MYCBP2: variants seen among roughly 807,000 people sequenced by gnomAD.
The protein encoded by MYCBP2 is MYC binding protein 2.
MYCBP2 carries 120 observed loss-of-function variants against 525.3 expected under a neutral mutation model. That is an observed-to-expected ratio of 0.23 (90% CI 0.20 to 0.27). The LOEUF (loss-of-function observed/expected upper bound fraction) is 0.27. Ranked by LOEUF, MYCBP2 falls within the 10% of genes least tolerant of loss-of-function variation. MYCBP2 has a pLI of 1.00. For synonymous variants in MYCBP2, 1,894 were observed against 1,955.8 expected (o/e 0.97, Z 0.83); for missense variants, 4,149 against 5,657.1 (o/e 0.73, Z 8.55).
chr13:77,188,167 C>A (rs1383226974), intron 30 of MYCBP2, among the ~76,000 whole-genome samples: 3 of 151,158 alleles, frequency 2.0e-5, no homozygotes, highest in African/African-American at 7.3e-5. Flanking sequence ...AAAAATCTTT[C>A]ATATACTTTT....
At chr13:77,162,075 A>C (rs960382426) in intron 43 of MYCBP2, 120 bp from the exon 44 acceptor site, 3 of 691,422 alleles carry the variant, frequency 4.3e-6, no homozygotes, top group Non-Finnish European at 7.2e-6. Flanking sequence ...CCAGATTGAA[A>C]AGATTTGTGA....
Position 77,270,552 on chromosome 13 carries a change from A to G in MYCBP2, c.946-14T>C, listed in dbSNP as rs759787014. 6.3e-7 allele frequency: 1 copy of G among 1,575,736 alleles called. No individual in the cohort carries two copies. The highest frequency in any genetic ancestry group is 8.6e-7 in the Non-Finnish European group (1 of 1,162,010). On this transcript the variant is annotated splice_polypyrimidine_tract_variant and intron_variant, in intron 5 of 82. Transcript: ENST00000544440. Reference sequence around the variant, plus strand: ...AATTGTTGGCACCTAATCAAAAGAGAAGAAAAATAATGAAAAAACATTTTT... The same window carrying G: ...AATTGTTGGCACCTAATCAAAAGAGGAGAAAAATAATGAAAAAACATTTTT...
Position 77,287,591 on chromosome 13 carries a change from A to AT in MYCBP2, c.594+569dup, listed in dbSNP as rs1289019408. On this transcript the variant is annotated intron_variant, in intron 3 of 82. Coordinates refer to ENST00000544440, the MANE Select transcript of MYCBP2 (RefSeq NM_015057.5). ...CAGAAGTTCAGTTGGTTCATAGGTG[A>AT]TTTTTTTTTTTCCTAATCAAGGGAA... Among the ~76,000 whole-genome samples, 1,180 of 148,436 alleles carry AT rather than the reference A, an allele frequency of 7.9e-3. 8 individuals are homozygous for AT. Among genetic ancestry groups the AT allele is most frequent in the Middle Eastern group, 0.021 (6 of 284 alleles).
chr13:77,294,131 C>CATATATATATATATATATATATATACAT, intron 2 of MYCBP2, among the ~76,000 whole-genome samples: 4,487 of 65,310 alleles, frequency 0.069, 532 homozygotes, highest in Non-Finnish European at 0.1. Context: ...TATATATATA[C>CATATATATATATATATATATATATACAT]ATATATATAT....
chr13:77,097,825 G>C lies in MYCBP2; in HGVS notation c.9329C>G (p.Ser3110Cys), dbSNP rs746736571. The C allele has an allele frequency of 8.7e-6, 14 of 1,613,548 alleles. No homozygotes were observed. The East Asian group carries it at 2.9e-4, about 33-fold the overall frequency. The part of the protein sequence containing the change: ...FNIAPHGPDI[S>C]KMGSINKNKV... Reference sequence around the variant, plus strand: ...GTTTTTGTTGATGCTACCCATCTTAGATATATCTGGTCCATGGGGTGCAAT... The same window carrying C: ...GTTTTTGTTGATGCTACCCATCTTACATATATCTGGTCCATGGGGTGCAAT... Residue 3110 changes from serine (S) to cysteine (C), a missense_variant, in exon 56 of 83, where the codon TCT becomes TGT. Ser to Cys is a moderately radical substitution (Grantham distance 112, BLOSUM62 -1). This residue lies in a region of MYCBP2 where 653 missense variants were observed against 744.7 expected (regional missense o/e 0.88). Coordinates refer to ENST00000544440, the MANE Select transcript of MYCBP2 (RefSeq NM_015057.5).
chr13:77,213,253 T>A (rs1349143177), intron 21 of MYCBP2, among the ~76,000 whole-genome samples: 4 of 152,160 alleles, frequency 2.6e-5, no homozygotes, highest in Non-Finnish European at 4.4e-5. Flanking sequence ...GATGGGAGGA[T>A]CACCTGAGGT....
At chr13:77,090,061 G>A in intron 60 of MYCBP2, 45 bp downstream of exon 60, 1 of 1,488,022 alleles carries the variant, frequency 6.7e-7, no homozygotes, top group Non-Finnish European at 9.0e-7. Flanking sequence ...TTTTTTATTT[G>A]TAGTAGTCAG....
In MYCBP2 at chr13:77,066,385, T is replaced by C. The variant is rs61962741; in HGVS notation, c.12456-297A>G. On this transcript the variant is annotated intron_variant, in intron 71 of 82. Transcript: ENST00000544440. ...ATTTCTAGGGCACATGCGGATAATG[T>C]GGAGCTTAACCGGAATATAAATTCA... is the stretch of plus-strand genomic sequence containing the variant. Among the ~76,000 whole-genome samples the C allele has an allele frequency of 3.7e-3, 561 of 152,306 alleles. 2 individuals are homozygous for C. Among genetic ancestry groups the C allele is most frequent in the Admixed American group, 7.7e-3 (118 of 15,300 alleles).
chr13:77,078,992 C>A, intron 65 of MYCBP2, 103 bp from the exon 66 acceptor site: 1 of 927,142 alleles, frequency 1.1e-6, no homozygotes, highest in Non-Finnish European at 1.7e-6. Flanking sequence ...TTCTGCCTGT[C>A]TCTTATGGTC....
chr13:77,109,437 C>T (rs1045424079), intron 55 of MYCBP2, among the ~76,000 whole-genome samples: 2 of 152,200 alleles, frequency 1.3e-5, no homozygotes, highest in Non-Finnish European at 2.9e-5. Context: ...AGCTGGGTTC[C>T]TAACAGGCCT....
intron 62 of MYCBP2, among the ~76,000 whole-genome samples, chr13:77,085,068 A>G (rs2043993195): frequency 6.6e-6 from 1 of 151,990 alleles, no homozygotes; most frequent in Non-Finnish European, 1.5e-5. Flanking sequence ...TTTGTTACTT[A>G]CTATAAGAAC....
Position 77,126,539 on chromosome 13 carries a change from A to G in MYCBP2, c.7663T>C (p.Ser2555Pro). The G allele has an allele frequency of 6.2e-7, 1 of 1,610,082 alleles. No individual in the cohort carries two copies. Among genetic ancestry groups the G allele is most frequent in the Non-Finnish European group, 8.5e-7 (1 of 1,178,060 alleles). ...AAAAAGTCATCAGTATTAGTTTTAG[A>G]TTCCTGAAAATTTGAATAGGAAAGA... is the stretch of plus-strand genomic sequence containing the variant. ...GKSLLVPVDE[S>P]KTNTDDFFKD... is the part of the protein sequence containing the mutation. Residue 2555 changes from serine (S) to proline (P), a missense_variant, in exon 53 of 83, where the codon TCT (serine) becomes CCT (proline). This residue lies in a region of MYCBP2 where 692 missense variants were observed against 852.7 expected (regional missense o/e 0.81). Transcript: ENST00000544440.
chr13:77,202,068 C>T (rs1328955846), intron 26 of MYCBP2, among the ~76,000 whole-genome samples: 1 of 151,874 alleles, frequency 6.6e-6, no homozygotes, highest in African/African-American at 2.4e-5. Flanking sequence ...AATAGAGACA[C>T]AAAAAACCCT....
At chr13:77,135,761 T>C (rs2053645601) in intron 52 of MYCBP2, among the ~76,000 whole-genome samples, 1 of 152,226 alleles carries the variant, frequency 6.6e-6, no homozygotes, top group Non-Finnish European at 1.5e-5. Context: ...ATCCAAACTA[T>C]TCCCATCCCC....
chr13:77,132,043 G>C (rs1171178243), intron 52 of MYCBP2, among the ~76,000 whole-genome samples: 1 of 152,078 alleles, frequency 6.6e-6, no homozygotes, highest in African/African-American at 2.4e-5. Flanking sequence ...ATTAAGAATA[G>C]CGTATATATA....
At chr13:77,045,519 G>T in intron 82 of MYCBP2, 26 bp from the exon 83 acceptor site, 1 of 1,469,148 alleles carries the variant, frequency 6.8e-7, no homozygotes, top group Non-Finnish European at 9.5e-7. Context: ...GGAGGCAAAG[G>T]AAAATAATGT....
Position 77,248,428 on chromosome 13 carries a change from G to T in MYCBP2, c.2381+2723C>A, listed in dbSNP as rs369885556. 1.3e-4 allele frequency among the ~76,000 whole-genome samples: 20 copies of T among 152,114 alleles called. No homozygotes were observed. The South Asian group carries it at 3.5e-3, about 27-fold the overall frequency. On this transcript the variant is annotated intron_variant, in intron 15 of 82. Coordinates refer to ENST00000544440, the MANE Select transcript of MYCBP2 (RefSeq NM_015057.5). ...CTAAAACTCATCAACAACAACAAAA[G>T]AAACTGACAACCTGATTCAAAAGTG... is the stretch of plus-strand genomic sequence containing the variant.
chr13:77,137,712 C>A (rs1236844064), intron 52 of MYCBP2, among the ~76,000 whole-genome samples: 1 of 152,132 alleles, frequency 6.6e-6, no homozygotes, highest in Non-Finnish European at 1.5e-5. Context: ...CTTCAGCCTC[C>A]AGAGTAGCTA....
chr13:77,086,785 T>C (rs973122324), intron 62 of MYCBP2, among the ~76,000 whole-genome samples: 18 of 152,228 alleles, frequency 1.2e-4, no homozygotes, highest in African/African-American at 3.8e-4. Context: ...CTTTATCGAA[T>C]CCATCATTCT....
Sources: allele counts gnomAD v4.1 joint callset (sites outside exome capture counted in the v4.1 genomes callset), GRCh38; gene constraint gnomAD v4.1.1; regional missense constraint gnomAD v4.1.1; transcripts MANE v1.5; gene names NCBI Gene and HGNC (gene_info 2026-07-23, HGNC 2026-07-21).